VEGFC: variants seen among roughly 807,000 people sequenced by gnomAD.
The protein encoded by VEGFC is FLT4 ligand DHM.
VEGFC carries 12 observed loss-of-function variants against 46.1 expected under a neutral mutation model. The observed-to-expected ratio is 0.26, with a 90% CI of 0.17 to 0.42. The LOEUF (loss-of-function observed/expected upper bound fraction) is 0.42, where lower values mean the gene tolerates loss of function less well. VEGFC is among the 10% of genes least tolerant of loss of function. The probability of loss-of-function intolerance (pLI) is 1.00; values close to 1 mark genes in which losing one functional copy is unlikely to be tolerated. For missense variants in VEGFC, 488 were observed against 529.4 expected (o/e 0.92, Z 0.77); for synonymous variants, 232 against 195.5 (o/e 1.19, Z -1.56).
At chr4:176,757,943 T>A (rs1360556332) in intron 1 of VEGFC, among the ~76,000 whole-genome samples, 2 of 152,046 alleles carry the variant, frequency 1.3e-5, no homozygotes, top group Non-Finnish European at 2.9e-5. Flanking sequence ...TTAATCCCCA[T>A]AAAAGTAAAA....
At chr4:176,703,927 C>G (rs1734478795) in intron 4 of VEGFC, among the ~76,000 whole-genome samples, 1 of 152,060 alleles carries the variant, frequency 6.6e-6, no homozygotes, top group African/African-American at 2.4e-5. Flanking sequence ...ATGTGAATTT[C>G]TTTCACTGTC....
chr4:176,765,833 G>A (rs2110918268), intron 1 of VEGFC, among the ~76,000 whole-genome samples: 1 of 152,184 alleles, frequency 6.6e-6, no homozygotes, highest in East Asian at 1.9e-4. Context: ...GATTACAGGA[G>A]TGAGCCACCG....
intron 1 of VEGFC, among the ~76,000 whole-genome samples, chr4:176,753,497 A>G (rs1735373483): frequency 6.6e-6 from 1 of 152,028 alleles, no homozygotes; most frequent in South Asian, 2.1e-4. Context: ...ATCTTTGCAA[A>G]CATAAAGACA....
intron 1 of VEGFC, among the ~76,000 whole-genome samples, chr4:176,734,268 A>G (rs1439120984): frequency 1.3e-5 from 2 of 151,880 alleles, no homozygotes; most frequent in East Asian, 3.9e-4. Context: ...TAAATAAAAG[A>G]TTAAATAAGA....
At chr4:176,780,503 T>TA (rs1411779033) in intron 1 of VEGFC, among the ~76,000 whole-genome samples, 5 of 152,170 alleles carry the variant, frequency 3.3e-5, no homozygotes, top group Admixed American at 3.3e-4. Context: ...ATCACAGATT[T>TA]AATTTTAGCT....
At chr4:176,729,508 T>G (rs764522520) in intron 2 of VEGFC, 25 bp downstream of exon 2, 1 of 1,601,152 alleles carries the variant, frequency 6.2e-7, no homozygotes, top group East Asian at 2.2e-5. Context: ...TAAGGCTTAC[T>G]ATACATTTTA....
intron 1 of VEGFC, among the ~76,000 whole-genome samples, chr4:176,732,664 C>A (rs1187348892): frequency 1.3e-5 from 2 of 149,840 alleles, no homozygotes; most frequent in Non-Finnish European, 3.0e-5. Context: ...CTTAGCTATT[C>A]AGAAGATAAC....
chr4:176,776,004 A>G (rs1391744124), intron 1 of VEGFC, among the ~76,000 whole-genome samples: 1 of 152,226 alleles, frequency 6.6e-6, no homozygotes, highest in Admixed American at 6.5e-5. Flanking sequence ...ATAAACACAT[A>G]ACATTTTAAA....
chr4:176,783,480 A>C (rs1432100046), intron 1 of VEGFC, among the ~76,000 whole-genome samples: 2 of 152,268 alleles, frequency 1.3e-5, no homozygotes. Context: ...TGTTTCATTA[A>C]TAAACATTTA....
intron 3 of VEGFC, among the ~76,000 whole-genome samples, chr4:176,713,428 C>G (rs568381465): frequency 1.3e-5 from 2 of 152,204 alleles, no homozygotes; most frequent in South Asian, 2.1e-4. Context: ...ACTAGCACTA[C>G]AGAAGACATA....
At chr4:176,716,489 G>A (rs472353) in intron 3 of VEGFC, among the ~76,000 whole-genome samples, 141,980 of 151,070 alleles carry the variant, frequency 0.94, 67,349 homozygotes, top group East Asian at 1. Context: ...AGGCAGGAGA[G>A]TTTCTTGAAC....
intron 1 of VEGFC, among the ~76,000 whole-genome samples, chr4:176,765,113 A>C (rs1032583234): frequency 2.0e-5 from 3 of 152,154 alleles, no homozygotes; most frequent in Non-Finnish European, 4.4e-5. Context: ...AAGATGAAGA[A>C]TTTGAGCAAA....
At chr4:176,781,470 T>C (rs1031720859) in intron 1 of VEGFC, among the ~76,000 whole-genome samples, 2 of 152,220 alleles carry the variant, frequency 1.3e-5, no homozygotes, top group African/African-American at 2.4e-5. Context: ...AATGATATTA[T>C]AGTAAATTAA....
chr4:176,723,250 A>T (rs1290714514), intron 3 of VEGFC, among the ~76,000 whole-genome samples: 1 of 152,166 alleles, frequency 6.6e-6, no homozygotes, highest in Non-Finnish European at 1.5e-5. Flanking sequence ...AGTCATCTGG[A>T]TATCTAGATA....
At chr4:176,782,808 G>GA (rs145891651) in intron 1 of VEGFC, among the ~76,000 whole-genome samples, 16,919 of 151,882 alleles carry the variant, frequency 0.11, 2,352 homozygotes, top group African/African-American at 0.32. Flanking sequence ...GTTCCAGTCA[G>GA]AAAAAAAATT....
At chr4:176,773,236 G>C (rs944171118) in intron 1 of VEGFC, among the ~76,000 whole-genome samples, 1 of 152,174 alleles carries the variant, frequency 6.6e-6, no homozygotes, top group Non-Finnish European at 1.5e-5. Context: ...ATGAAGCACA[G>C]AAGGCCAAAC....
At chr4:176,699,311 C>T (rs562177978) in intron 4 of VEGFC, among the ~76,000 whole-genome samples, 1 of 152,276 alleles carries the variant, frequency 6.6e-6, no homozygotes, top group African/African-American at 2.4e-5. Context: ...TTCAGAGCAT[C>T]GTCATGTCAC....
intron 3 of VEGFC, among the ~76,000 whole-genome samples, chr4:176,721,755 T>C (rs2111009548): frequency 6.6e-6 from 1 of 152,250 alleles, no homozygotes; most frequent in South Asian, 2.1e-4. Flanking sequence ...TGGTAGGGAA[T>C]AGGTTCTAAC....
chr4:176,734,535 CAAAT>C (rs980865461), intron 1 of VEGFC, among the ~76,000 whole-genome samples: 3 of 151,696 alleles, frequency 2.0e-5, no homozygotes, highest in Admixed American at 6.6e-5. Context: ...ATTTCTAAAA[CAAAT>C]AACGTTCACC....
Sources: allele counts gnomAD v4.1 joint callset (sites outside exome capture counted in the v4.1 genomes callset), GRCh38; gene constraint gnomAD v4.1.1; transcripts MANE v1.5; gene names NCBI Gene and HGNC (gene_info 2026-07-23, HGNC 2026-07-21).